The following CSMD1 variants were observed in gnomAD, a reference collection of about 807,000 sequenced individuals.
The protein encoded by CSMD1 is CUB and Sushi multiple domains 1, also known as CUB and sushi domain-containing protein 1.
In CSMD1, 213 loss-of-function variants were observed where a neutral mutation model predicts 417.5. That is an observed-to-expected ratio of 0.51 (90% CI 0.46 to 0.57). CSMD1 has a LOEUF of 0.57. Among genes scored for constraint, CSMD1 ranks in the 20% least tolerant of loss-of-function variants. The pLI is 0.00. For missense variants in CSMD1, 6,923 were observed against 4,529.7 expected (o/e 1.53, Z -15.17); for synonymous variants, 2,862 against 1,736.8 (o/e 1.65, Z -16.11).
At chr8:4,459,114 G>T (rs758452863) in intron 2 of CSMD1, among the ~76,000 whole-genome samples, 1 of 152,164 alleles carries the variant, frequency 6.6e-6, no homozygotes, top group Admixed American at 6.5e-5. Context: ...TTCTAACCAG[G>T]AGGGTCAGGC....
chr8:3,242,232 A>G (rs1440708279), intron 26 of CSMD1, among the ~76,000 whole-genome samples: 1 of 151,802 alleles, frequency 6.6e-6, no homozygotes, highest in African/African-American at 2.4e-5. Flanking sequence ...AGGTGATAAA[A>G]GGATTATAGA....
At chr8:4,176,083 A>G (rs895904243) in intron 3 of CSMD1, among the ~76,000 whole-genome samples, 1 of 152,148 alleles carries the variant, frequency 6.6e-6, no homozygotes, top group Non-Finnish European at 1.5e-5. Flanking sequence ...GAACCCTTGC[A>G]GAATCACTCC....
At chr8:3,874,863 G>A (rs779600866) in intron 5 of CSMD1, among the ~76,000 whole-genome samples, 2 of 152,066 alleles carry the variant, frequency 1.3e-5, no homozygotes, top group Non-Finnish European at 2.9e-5. Flanking sequence ...TAAGAAAACG[G>A]CAAAGGGTGG....
At chr8:3,652,712 T>A (rs903492673) in intron 7 of CSMD1, among the ~76,000 whole-genome samples, 1 of 152,188 alleles carries the variant, frequency 6.6e-6, no homozygotes, top group Non-Finnish European at 1.5e-5. Context: ...TTCAATTATC[T>A]CCAAGTGACC....
In CSMD1 at chr8:3,191,402, G is replaced by C. The variant is rs560324119; in HGVS notation, c.5195-1287C>G. 8.5e-5 allele frequency among the ~76,000 whole-genome samples: 13 copies of C among 152,260 alleles called. No homozygotes were observed. The South Asian group carries it at 2.7e-3, about 32-fold the overall frequency. The stretch of plus-strand genomic sequence containing the variant: ...CCCTGGGAGGCATAAGTTGCAGTGA[G>C]CCAAGATCACACCACTGCACTCCAG... On this transcript the variant is annotated intron_variant, in intron 33 of 69. Coordinates refer to ENST00000635120, the MANE Select transcript of CSMD1 (RefSeq NM_033225.6).
At position 4,442,607 on chromosome 8, in the gene CSMD1, A is replaced by G. The variant is rs117651724; in HGVS notation, c.303-22542T>C. On this transcript the variant is annotated intron_variant, in intron 2 of 69. Transcript: ENST00000635120. Reference sequence around the variant, plus strand: ...TAGCTCTTCCCCAAATTGGCTAGAAAAACAGAAGCAAGCCCTCTGGATTGC... The same window carrying G: ...TAGCTCTTCCCCAAATTGGCTAGAAGAACAGAAGCAAGCCCTCTGGATTGC... Among the ~76,000 whole-genome samples, 25 of 152,324 alleles carry G rather than the reference A, an allele frequency of 1.6e-4. No individual in the cohort carries two copies. In the East Asian group the frequency reaches 4.2e-3, roughly 26 times the overall value.
intron 3 of CSMD1, among the ~76,000 whole-genome samples, chr8:4,106,557 A>C (rs919598602): frequency 6.6e-6 from 1 of 152,230 alleles, no homozygotes; most frequent in Admixed American, 6.5e-5. Context: ...CCACATTAAA[A>C]AACTAAAAAT....
chr8:3,630,768 A>G (rs932432912), intron 7 of CSMD1, among the ~76,000 whole-genome samples: 12 of 152,156 alleles, frequency 7.9e-5, no homozygotes, highest in Admixed American at 2.0e-4. Context: ...AGCACTCACC[A>G]TGGTGGCTAA....
At chr8:3,664,125 G>A (rs944048652) in intron 7 of CSMD1, among the ~76,000 whole-genome samples, 2 of 152,048 alleles carry the variant, frequency 1.3e-5, no homozygotes, top group East Asian at 1.9e-4. Flanking sequence ...TTGGTTTGCT[G>A]CACCCATTGA....
intron 10 of CSMD1, among the ~76,000 whole-genome samples, chr8:3,526,531 C>T (rs886188282): frequency 1.2e-4 from 19 of 152,156 alleles, no homozygotes; most frequent in Admixed American, 3.9e-4. Flanking sequence ...AGCAAGCTCC[C>T]AGGAATGGGA....
intron 5 of CSMD1, among the ~76,000 whole-genome samples, chr8:3,945,430 A>C (rs1363762975): frequency 6.6e-6 from 1 of 152,130 alleles, no homozygotes; most frequent in Non-Finnish European, 1.5e-5. Flanking sequence ...ATTACAAATA[A>C]CTTCAATAGT....
At chr8:4,888,434 A>G (rs1803892170) in intron 1 of CSMD1, among the ~76,000 whole-genome samples, 1 of 151,862 alleles carries the variant, frequency 6.6e-6, no homozygotes, top group South Asian at 2.1e-4. Context: ...CACACAACAT[A>G]TGATATACAT....
intron 1 of CSMD1, among the ~76,000 whole-genome samples, chr8:4,771,281 A>G (rs1034390411): frequency 8.5e-5 from 13 of 152,170 alleles, no homozygotes; most frequent in African/African-American, 2.7e-4. Flanking sequence ...TCTAATACCA[A>G]TGTTCTCTAC....
intron 11 of CSMD1, among the ~76,000 whole-genome samples, chr8:3,489,594 C>G (rs1164725739): frequency 3.3e-5 from 5 of 152,144 alleles, no homozygotes. Flanking sequence ...TCTTTTAAGC[C>G]TGACATTCTA....
chr8:4,159,440 T>C (rs1342521996), intron 3 of CSMD1, among the ~76,000 whole-genome samples: 1 of 152,206 alleles, frequency 6.6e-6, no homozygotes, highest in Non-Finnish European at 1.5e-5. Flanking sequence ...ACATGAATGT[T>C]TATGGCAGCA....
intron 3 of CSMD1, among the ~76,000 whole-genome samples, chr8:4,392,243 G>T (rs941161199): frequency 3.9e-5 from 6 of 152,106 alleles, no homozygotes; most frequent in Non-Finnish European, 7.3e-5. Context: ...TTACTTGTGA[G>T]GATATAAACT....
chr8:2,964,667 T>C (rs540484641), intron 59 of CSMD1, among the ~76,000 whole-genome samples: 1 of 152,340 alleles, frequency 6.6e-6, no homozygotes, highest in South Asian at 2.1e-4. Context: ...ACGTAGTGCA[T>C]TTTCATTCAA....
intron 3 of CSMD1, among the ~76,000 whole-genome samples, chr8:4,111,124 C>T (rs1483915949): frequency 6.6e-6 from 1 of 152,074 alleles, no homozygotes; most frequent in Non-Finnish European, 1.5e-5. Flanking sequence ...TTTTGTTTTG[C>T]TCTGGTTTGG....
chr8:3,254,098 T>G (rs902327753), intron 26 of CSMD1, among the ~76,000 whole-genome samples: 1 of 152,142 alleles, frequency 6.6e-6, no homozygotes, highest in Non-Finnish European at 1.5e-5. Context: ...AGCATTTGCT[T>G]GTCTGTAAAG....
Sources: allele counts gnomAD v4.1 joint callset (sites outside exome capture counted in the v4.1 genomes callset), GRCh38; gene constraint gnomAD v4.1.1; transcripts MANE v1.5; gene names NCBI Gene and HGNC (gene_info 2026-07-23, HGNC 2026-07-21).